CABIN1: variants seen among roughly 807,000 people sequenced by gnomAD.
CABIN1 encodes calcineurin-binding protein cabin-1.
A neutral mutation model predicts 227.7 loss-of-function variants in CABIN1; 133 were observed. The ratio of observed to expected loss-of-function variants is 0.58; its 90% confidence interval spans 0.51 to 0.67. The LOEUF (loss-of-function observed/expected upper bound fraction) is 0.67. Ranked by LOEUF, CABIN1 falls within the 30% of genes least tolerant of loss-of-function variation. CABIN1 has a pLI of 0.00. For missense variants in CABIN1, 2,408 were observed against 2,852.5 expected (o/e 0.84, Z 3.55); for synonymous variants, 1,086 against 1,155.1 (o/e 0.94, Z 1.21).
At chr22:24,053,257 T>C (rs2038501884) in intron 8 of CABIN1, among the ~76,000 whole-genome samples, 1 of 151,744 alleles carries the variant, frequency 6.6e-6, no homozygotes, top group African/African-American at 2.4e-5. Context: ...TTTTTATTTT[T>C]AGTAGAGATG....
chr22:24,093,504 C>T (rs1288039294), intron 24 of CABIN1, among the ~76,000 whole-genome samples: 1 of 151,296 alleles, frequency 6.6e-6, no homozygotes, highest in South Asian at 2.1e-4. Context: ...GATTGTGCCA[C>T]TGCACTCCAG....
At chr22:24,094,331 GC>G (rs1436319987) in intron 24 of CABIN1, among the ~76,000 whole-genome samples, 1 of 152,156 alleles carries the variant, frequency 6.6e-6, no homozygotes, top group African/African-American at 2.4e-5. Context: ...CAGGATGGTA[GC>G]CCCAGGGGTA....
intron 23 of CABIN1, among the ~76,000 whole-genome samples, chr22:24,089,110 A>C (rs2041367866): frequency 6.6e-6 from 1 of 152,180 alleles, no homozygotes; most frequent in Admixed American, 6.5e-5. Context: ...GGCTGAGCTG[A>C]TCATGGTTCT....
At chr22:24,155,827 G>A (rs1250147185) in intron 29 of CABIN1, 31 of 426,364 alleles carry the variant, frequency 7.3e-5, no homozygotes. Flanking sequence ...CCTGCAGTGA[G>A]AGCTGCACCC....
At position 24,119,711 on chromosome 22, in the gene CABIN1, C is replaced by G. The variant is rs773437749; in HGVS notation, c.4632+13C>G. The G allele has an allele frequency of 1.9e-6, 3 of 1,612,232 alleles. No individual in the cohort carries two copies. The highest frequency in any genetic ancestry group is 2.5e-6 in the Non-Finnish European group (3 of 1,178,650). The stretch of plus-strand genomic sequence containing the variant: ...CAAGACCCACCGGGTGAGTGGCTGC[C>G]GGGCCAAGGGGGCTTGGATCTTCCC... On this transcript the variant is annotated intron_variant, in intron 28 of 36. Transcript: ENST00000263119.
chr22:24,054,750 C>G, intron 8 of CABIN1, 123 bp from the exon 9 acceptor site: 3 of 1,202,996 alleles, frequency 2.5e-6, no homozygotes, highest in African/African-American at 1.5e-5. Flanking sequence ...CTCCCCCACC[C>G]CCATGGACAT....
chr22:24,013,289 T>C (rs1168555392), intron 1 of CABIN1, among the ~76,000 whole-genome samples: 7 of 136,736 alleles, frequency 5.1e-5, no homozygotes, highest in Non-Finnish European at 9.1e-5. Context: ...CTCCGCCGCC[T>C]GGGTTCACGC....
intron 33 of CABIN1, among the ~76,000 whole-genome samples, chr22:24,171,066 G>A (rs1045495466): frequency 3.3e-5 from 5 of 152,216 alleles, no homozygotes; most frequent in African/African-American, 4.8e-5. Flanking sequence ...GGGCCTCATG[G>A]CAGAGGGAAT....
chr22:24,156,510 G>A (rs376545496), intron 29 of CABIN1: 2 of 160,544 alleles, frequency 1.2e-5, no homozygotes, highest in South Asian at 2.0e-4. Flanking sequence ...AGCGAAAGCC[G>A]CCCGCCAGAG....
At chr22:24,043,307 CTTTTTTTTTTTT>C (rs745547509) in intron 6 of CABIN1, among the ~76,000 whole-genome samples, 2 of 71,126 alleles carry the variant, frequency 2.8e-5, no homozygotes, top group African/African-American at 6.1e-5. Flanking sequence ...AATGATTTTA[CTTTTTTTTTTTT>C]TTTTTTTTTT....
chr22:24,156,089 CG>C, intron 29 of CABIN1: 1 of 414,542 alleles, frequency 2.4e-6, no homozygotes, highest in Non-Finnish European at 4.3e-6. Context: ...AGGAACTTGG[CG>C]GGGGCGGGGG....
At chr22:24,165,746 C>A in intron 31 of CABIN1, 120 bp downstream of exon 31, 1 of 800,558 alleles carries the variant, frequency 1.2e-6, no homozygotes, top group Non-Finnish European at 2.1e-6. Flanking sequence ...CTAAGGGTCC[C>A]CATCTGTGAG....
In CABIN1 at chr22:24,113,593, C is replaced by T; in HGVS notation, c.4145C>T (p.Ala1382Val). ...CGAAGCCAGGACAGCACAGCCGTAG[C>T]ACTCTCAGACTCTAGCTCAACGCAG... ...DDRSQDSTAV[A>V]LSDSSSTQDF... The change falls in exon 27 of 37, where the codon GCA (alanine) becomes GTA (valine). Residue 1382 changes from alanine (A) to valine (V), a missense_variant. Transcript: ENST00000263119. The T allele has an allele frequency of 6.2e-7, 1 of 1,614,204 alleles. No individual in the cohort carries two copies. The highest frequency in any genetic ancestry group is 8.5e-7 in the Non-Finnish European group (1 of 1,180,034).
intron 26 of CABIN1, among the ~76,000 whole-genome samples, chr22:24,106,021 G>A (rs1602115153): frequency 6.6e-6 from 1 of 152,208 alleles, no homozygotes; most frequent in African/African-American, 2.4e-5. Context: ...AGCCAGGCCT[G>A]TAGGCTGTTC....
Position 24,166,649 on chromosome 22 carries a change from G to A in CABIN1, c.5018G>A (p.Arg1673His), listed in dbSNP as rs375275130. 54 of 1,612,768 alleles carry A rather than the reference G, an allele frequency of 3.3e-5. No homozygotes were observed. Among genetic ancestry groups the A allele is most frequent in the Middle Eastern group, 1.7e-4 (1 of 6,058 alleles). The change falls in exon 32 of 37, where the codon CGC becomes CAC. Residue 1673 changes from arginine to histidine, a missense_variant. Transcript: ENST00000263119. ...TTGGTTTCTTTGTAGGGGTCAGAAC[G>A]CCCAGGGCCCAAGGTCTGTGGCCTC... Reference protein sequence around the residue: ...TLSELAEGSERPGPKVCGLPG... With the variant: ...TLSELAEGSEHPGPKVCGLPG...
chr22:24,165,688 G>A (rs1202758728), intron 31 of CABIN1, 62 bp downstream of exon 31: 15 of 1,398,462 alleles, frequency 1.1e-5, no homozygotes, highest in Non-Finnish European at 1.2e-5. Context: ...GCCCTTCCCA[G>A]GTGGTGGGCC....
intron 15 of CABIN1, among the ~76,000 whole-genome samples, chr22:24,064,540 A>C (rs1601867411): frequency 1.5e-5 from 1 of 65,982 alleles, no homozygotes; most frequent in Non-Finnish European, 2.9e-5. Context: ...TTTTTTATTG[A>C]TCATTCTTGG....
rs746514054 is a variant in CABIN1 at position 24,038,365 on chromosome 22, A to G, written c.114A>G (p.Ala38=). ...ATTTGCAGGAAGCAGAGGCTTTTGCATTGTACCACAAGGCCCTTGATCTGC... is the reference window on the plus strand; with the variant it reads ...ATTTGCAGGAAGCAGAGGCTTTTGCGTTGTACCACAAGGCCCTTGATCTGC... The part of the protein sequence containing the change: ...TKEAQEAEAF[A]LYHKALDLQK... Residue 38 remains alanine, a synonymous_variant, in exon 4 of 37, where the codon GCA becomes GCG. Transcript: ENST00000263119. 5.0e-6 allele frequency: 8 copies of G among 1,613,884 alleles called. No individual in the cohort carries two copies. The highest frequency in any genetic ancestry group is 3.3e-5 in the Admixed American group (2 of 60,026).
rs150144657 is a variant in CABIN1 at position 24,084,712 on chromosome 22, T to C, written c.3044T>C (p.Ile1015Thr). 1.1e-5 allele frequency: 18 copies of C among 1,614,228 alleles called. No individual in the cohort carries two copies. In the East Asian group the frequency reaches 2.7e-4, roughly 24 times the overall value. ...AACCTACTGAAGAGAATTGCCACCATTGTGCCTCGCACAGAGAGGCCAGCC... is the reference window on the plus strand; with the variant it reads ...AACCTACTGAAGAGAATTGCCACCACTGTGCCTCGCACAGAGAGGCCAGCC... ...LANLLKRIAT[I>T]VPRTERPALS... Residue 1015 changes from isoleucine to threonine, a missense_variant, in exon 21 of 37, where the codon ATT becomes ACT. This residue lies in a region of CABIN1 where 649 missense variants were observed against 910.3 expected (regional missense o/e 0.71). Coordinates refer to ENST00000263119, the MANE Select transcript of CABIN1 (RefSeq NM_012295.4).
Sources: allele counts gnomAD v4.1 joint callset (sites outside exome capture counted in the v4.1 genomes callset), GRCh38; gene constraint gnomAD v4.1.1; regional missense constraint gnomAD v4.1.1; transcripts MANE v1.5; gene names NCBI Gene and HGNC (gene_info 2026-07-23, HGNC 2026-07-21).